CZIB: variants seen among roughly 807,000 people sequenced by gnomAD.
The protein encoded by CZIB is CXXC motif containing zinc binding protein, also known as UPF0587 protein C1orf123.
Under a neutral mutation model 28.3 loss-of-function variants are expected in CZIB, and 26 were observed. That is an observed-to-expected ratio of 0.92 (90% CI 0.67 to 1.27). The LOEUF is 1.27. Among genes scored for constraint, CZIB ranks in the 50% most tolerant of loss-of-function variants. The pLI, the probability that CZIB is intolerant of heterozygous loss-of-function variation, is 0.00. For synonymous variants in CZIB, 78 were observed against 71.1 expected (o/e 1.10, Z -0.49); for missense variants, 179 against 197.3 (o/e 0.91, Z 0.56).
chr1:53,219,142 A>C, intron 2 of CZIB: 4 of 555,638 alleles, frequency 7.2e-6, no homozygotes, highest in Admixed American at 6.2e-5. Flanking sequence ...ACCCTCCTCT[A>C]TGAAGTGCTC....
At chr1:53,220,118 G>A (rs1645509526) in intron 2 of CZIB, 143 bp downstream of exon 2, 5 of 707,942 alleles carry the variant, frequency 7.1e-6, no homozygotes. Flanking sequence ...TTAATAGAAA[G>A]CAAACGTAAA....
chr1:53,218,498 G>C lies in CZIB; in HGVS notation c.148-3C>G. ...CCCCCCTTCAGTGCCACACTGTCCT[G>C]GCAAAAAGCAAACAGAACTTTCAGT... On this transcript the variant is annotated splice_polypyrimidine_tract_variant and splice_region_variant and intron_variant, in intron 3 of 7. Coordinates refer to ENST00000294360, the MANE Select transcript of CZIB (RefSeq NM_017887.3). 6.2e-7 allele frequency: 1 copy of C among 1,613,968 alleles called. No individual in the cohort carries two copies. The highest frequency in any genetic ancestry group is 8.5e-7 in the Non-Finnish European group (1 of 1,179,934).
At position 53,214,528 on chromosome 1, in the gene CZIB, G is replaced by A; in HGVS notation, c.*131C>T. The A allele has an allele frequency of 7.1e-6, 5 of 703,834 alleles. No homozygotes were observed. Among genetic ancestry groups the A allele is most frequent in the Non-Finnish European group, 1.2e-5 (5 of 411,132 alleles). The allele number at this position is 703,834 out of a possible 1,614,324, so 43.6% of individuals were successfully genotyped here. ...GCTTGGGAAGCTGTAATAAAGTCCA[G>A]CATGCAGATTGTGAAGGTTTCGTAT... is the stretch of plus-strand genomic sequence containing the variant. On this transcript the variant is annotated 3_prime_UTR_variant, in exon 8 of 8. Transcript: ENST00000294360.
In CZIB at chr1:53,214,560, C is replaced by T; in HGVS notation, c.*99G>A. On this transcript the variant is annotated 3_prime_UTR_variant, in exon 8 of 8. Transcript: ENST00000294360. ...GATTGTGAAGGTTTCGTATAGCCAC[C>T]AGGAGACAAGGGTCAAAGGAACGAG... is the stretch of plus-strand genomic sequence containing the variant. The T allele has an allele frequency of 1.0e-6, 1 of 985,032 alleles. No homozygotes were observed. Among genetic ancestry groups the T allele is most frequent in the Non-Finnish European group, 1.6e-6 (1 of 637,906 alleles). The allele number at this position is 985,032 out of a possible 1,614,324, so 61.0% of individuals were successfully genotyped here.
At chr1:53,216,956 T>C in intron 5 of CZIB, 97 bp from the exon 6 acceptor site, 1 of 1,066,690 alleles carries the variant, frequency 9.4e-7, no homozygotes, top group Non-Finnish European at 1.5e-6. Flanking sequence ...TTACTGCCCC[T>C]GGAGGCCTAG....
chr1:53,216,823 A>T lies in CZIB; in HGVS notation c.298T>A (p.Phe100Ile). The change falls in exon 6 of 8, where the codon TTT becomes ATT. Residue 100 changes from phenylalanine to isoleucine, a missense_variant. By Grantham distance (21) the Phe-to-Ile change is conservative. Coordinates refer to ENST00000294360, the MANE Select transcript of CZIB (RefSeq NM_017887.3). Reference protein sequence around the residue: ...DNENFKTIVEFECRGLEPVDF... With the variant: ...DNENFKTIVEIECRGLEPVDF... ...ACTGGTTCAAGGCCCCGGCACTCAAACTCCACTATTGTCTTGAAGTTCTCA... is the reference window on the plus strand; with the variant it reads ...ACTGGTTCAAGGCCCCGGCACTCAATCTCCACTATTGTCTTGAAGTTCTCA... The T allele has an allele frequency of 1.9e-6, 3 of 1,614,144 alleles. No homozygotes were observed. Among genetic ancestry groups the T allele is most frequent in the Non-Finnish European group, 2.5e-6 (3 of 1,180,010 alleles).
intron 2 of CZIB, 147 bp from the exon 3 acceptor site, chr1:53,219,070 A>C (rs1283436050): frequency 4.3e-6 from 3 of 698,492 alleles, no homozygotes; most frequent in Non-Finnish European, 7.7e-6. Flanking sequence ...CCCAACAAGG[A>C]CAAAACTAGA....
chr1:53,218,304 C>A, intron 4 of CZIB, 101 bp from the exon 5 acceptor site: 1 of 1,576,396 alleles, frequency 6.3e-7, no homozygotes, highest in South Asian at 1.1e-5. Flanking sequence ...GTACAGGTGT[C>A]GGCATCTTAG....
At position 53,216,816 on chromosome 1, in the gene CZIB, C is replaced by T; in HGVS notation, c.305G>A (p.Cys102Tyr). The T allele has an allele frequency of 1.2e-6, 2 of 1,614,198 alleles. No homozygotes were observed. The highest frequency in any genetic ancestry group is 1.7e-6 in the Non-Finnish European group (2 of 1,180,018). ...ENFKTIVEFE[C>Y]RGLEPVDFQP... ...GAAATCAACTGGTTCAAGGCCCCGG[C>T]ACTCAAACTCCACTATTGTCTTGAA... is the stretch of plus-strand genomic sequence containing the variant. Residue 102 changes from cysteine to tyrosine, a missense_variant, in exon 6 of 8, where the codon TGC becomes TAC. Physicochemically the swap from Cys to Tyr is radical, Grantham distance 194. Coordinates refer to ENST00000294360, the MANE Select transcript of CZIB (RefSeq NM_017887.3).
intron 5 of CZIB, chr1:53,217,158 T>C (rs758470103): frequency 2.5e-5 from 8 of 317,166 alleles, no homozygotes; most frequent in Non-Finnish European, 4.7e-5. Context: ...AACTGTCAAA[T>C]AGAGCCGAGG....
intron 7 of CZIB, among the ~76,000 whole-genome samples, chr1:53,215,475 C>T (rs1645464536): frequency 6.6e-6 from 1 of 152,218 alleles, no homozygotes; most frequent in African/African-American, 2.4e-5. Flanking sequence ...AAGGCTTGAG[C>T]ACAAGGCTTT....
rs1318031536 is a variant in CZIB, at chr1:53,214,239, A to G, written c.*420T>C. ...TTTTAACCTAATTCCTAATCCTCACAAAGATCTTTCCAACAGCAAGTTCAG... is the reference window on the plus strand; with the variant it reads ...TTTTAACCTAATTCCTAATCCTCACGAAGATCTTTCCAACAGCAAGTTCAG... On this transcript the variant is annotated 3_prime_UTR_variant, in exon 8 of 8. Coordinates refer to ENST00000294360, the MANE Select transcript of CZIB (RefSeq NM_017887.3). 5.8e-6 allele frequency: 1 copy of G among 171,202 alleles called. No individual in the cohort carries two copies. The highest frequency in any genetic ancestry group is 1.3e-5 in the Non-Finnish European group (1 of 79,926). 10.6% of individuals were successfully genotyped at this position (171,202 alleles called of 1,614,324 possible).
chr1:53,220,154 C>T, intron 2 of CZIB, 107 bp downstream of exon 2: 1 of 992,746 alleles, frequency 1.0e-6, no homozygotes, highest in South Asian at 1.6e-5. Flanking sequence ...ACCCCGAACA[C>T]TTAATGTGCC....
rs1645456962 is a variant in CZIB at position 53,214,607 on chromosome 1, A to G, written c.*52T>C. On this transcript the variant is annotated 3_prime_UTR_variant, in exon 8 of 8. Transcript: ENST00000294360. The stretch of plus-strand genomic sequence containing the variant: ...CGAGCCTCTGTGGGCTCTGCTGCTT[A>G]GAGTACTTTGTCCTTTCTCAGTTCT... The G allele has an allele frequency of 2.0e-6, 3 of 1,520,008 alleles. No individual in the cohort carries two copies. Among genetic ancestry groups the G allele is most frequent in the Non-Finnish European group, 2.7e-6 (3 of 1,096,596 alleles). The allele number at this position is 1,520,008 out of a possible 1,614,324, so 94.2% of individuals were successfully genotyped here.
At position 53,216,683 on chromosome 1, in the gene CZIB, A is replaced by C. The variant is rs552739682; in HGVS notation, c.339+99T>G. The C allele has an allele frequency of 9.3e-6, 10 of 1,077,540 alleles. No homozygotes were observed. The African/African-American group carries it at 9.4e-5, about 10-fold the overall frequency. The allele number at this position is 1,077,540 out of a possible 1,614,324, so 66.7% of individuals were successfully genotyped here. On this transcript the variant is annotated intron_variant, in intron 6 of 7. Coordinates refer to ENST00000294360, the MANE Select transcript of CZIB (RefSeq NM_017887.3). ...ATTATTACTACCGCTAGAAAGGAGA[A>C]TGTCTAGTCCATGGTATCTGTAGGT...
chr1:53,218,998 G>A, intron 2 of CZIB, 75 bp from the exon 3 acceptor site: 1 of 1,297,634 alleles, frequency 7.7e-7, no homozygotes, highest in Non-Finnish European at 1.1e-6. Context: ...AGAACAGTGG[G>A]AGGTGGGCAG....
rs760958950 is a variant in CZIB at position 53,220,308 on chromosome 1, T to A, written c.43A>T (p.Ile15Phe). Residue 15 changes from isoleucine (I) to phenylalanine (F), a missense_variant, in exon 2 of 8, where the codon ATC (isoleucine) becomes TTC (phenylalanine). Ile to Phe is a conservative substitution (Grantham distance 21). Transcript: ENST00000294360. ...ALQLKATLENITNLRPVGEDF... is the reference protein window; with the variant it reads ...ALQLKATLENFTNLRPVGEDF... The stretch of plus-strand genomic sequence containing the variant: ...TCGCCCACGGGCCGGAGGTTGGTGA[T>A]GTTCTCCAGCGTGGCTTTGAGTTGC... 14 of 1,613,572 alleles carry A rather than the reference T, an allele frequency of 8.7e-6. No individual in the cohort carries two copies. The South Asian group carries it at 1.5e-4, about 18-fold the overall frequency.
At chr1:53,214,984 C>CA (rs1270118151) in intron 7 of CZIB, among the ~76,000 whole-genome samples, 1 of 151,906 alleles carries the variant, frequency 6.6e-6, no homozygotes, top group Non-Finnish European at 1.5e-5. Context: ...AAAACAAAAA[C>CA]AAAAAAAGGA....
chr1:53,217,704 T>C (rs1259222031), intron 5 of CZIB: 1 of 157,292 alleles, frequency 6.4e-6, no homozygotes. Context: ...CAAGATACTT[T>C]AAATAAATAC....
Sources: gnomAD v4.1 joint callset for allele counts (sites outside exome capture counted in the v4.1 genomes callset) on GRCh38, gnomAD v4.1.1 for gene constraint, MANE v1.5 for transcripts, NCBI Gene and HGNC (gene_info 2026-07-23, HGNC 2026-07-21) for gene names.